PAMR1: variants seen among roughly 807,000 people sequenced by gnomAD.
PAMR1 encodes the protein peptidase domain containing associated with muscle regeneration 1.
Under a neutral mutation model 81.8 loss-of-function variants are expected in PAMR1, and 88 were observed. That is an observed-to-expected ratio of 1.08 (90% CI 0.91 to 1.28). PAMR1 has a LOEUF of 1.28. PAMR1 is among the 50% of genes most tolerant of loss of function. The probability of loss-of-function intolerance (pLI) is 0.00; values close to 1 mark genes in which losing one functional copy is unlikely to be tolerated. For synonymous variants in PAMR1, 336 were observed against 345.3 expected, an observed-to-expected ratio of 0.97 and a Z score of 0.30; for missense variants, 935 against 919.7, an observed-to-expected ratio of 1.02 and a Z score of -0.21.
intron 8 of PAMR1, among the ~76,000 whole-genome samples, chr11:35,438,236 G>C (rs1381605868): frequency 6.6e-6 from 1 of 152,184 alleles, no homozygotes; most frequent in African/African-American, 2.4e-5. Context: ...CTGAGCTTCA[G>C]TTTACCCCTC....
intron 3 of PAMR1, among the ~76,000 whole-genome samples, chr11:35,490,746 T>TG (rs1850607836): frequency 3.3e-5 from 5 of 152,232 alleles, no homozygotes; most frequent in Non-Finnish European, 1.5e-5. Context: ...GCTTTTACTA[T>TG]TGTCAGAGCA....
intron 6 of PAMR1, among the ~76,000 whole-genome samples, chr11:35,447,921 T>C (rs1856331731): frequency 6.6e-6 from 1 of 152,246 alleles, no homozygotes; most frequent in South Asian, 2.1e-4. Flanking sequence ...TGCCTGGATA[T>C]GAAATTCTGG....
intron 6 of PAMR1, among the ~76,000 whole-genome samples, chr11:35,451,491 T>C (rs1856417982): frequency 6.6e-6 from 1 of 152,246 alleles, no homozygotes; most frequent in South Asian, 2.1e-4. Flanking sequence ...TAGTATTTCC[T>C]TCCTCACAAA....
At chr11:35,495,406 T>C (rs1230528478) in intron 1 of PAMR1, among the ~76,000 whole-genome samples, 2 of 152,032 alleles carry the variant, frequency 1.3e-5, no homozygotes, top group Non-Finnish European at 2.9e-5. Context: ...TATATATACC[T>C]TCAGTAAAGA....
At chr11:35,480,078 C>T (rs1446127997) in intron 3 of PAMR1, among the ~76,000 whole-genome samples, 1 of 152,202 alleles carries the variant, frequency 6.6e-6, no homozygotes, top group African/African-American at 2.4e-5. Context: ...TGACGCAGTT[C>T]CACGAGAGCA....
At chr11:35,526,780 C>A (rs546533622), upstream of PAMR1, among the ~76,000 whole-genome samples, 1 of 152,298 alleles carries the variant, frequency 6.6e-6, no homozygotes, top group South Asian at 2.1e-4. Flanking sequence ...TGTCCCCACC[C>A]AAACCTCATC....
At position 35,513,776 on chromosome 11, in the gene PAMR1, G is replaced by A. The variant is rs985301800; in HGVS notation, c.73+11737C>T. Among the ~76,000 whole-genome samples, 9 of 152,310 alleles carry A rather than the reference G, an allele frequency of 5.9e-5. No homozygotes were observed. The South Asian group carries it at 1.4e-3, about 25-fold the overall frequency. On this transcript the variant is annotated intron_variant, in intron 1 of 10. Coordinates refer to ENST00000619888, the MANE Select transcript of PAMR1 (RefSeq NM_001001991.3). ...AACTACCTGGGATGCTTGCTTAAAA[G>A]TCTTATTCCTGGACCACAGTCCAGA...
At chr11:35,506,357 T>C (rs1043543350) in intron 1 of PAMR1, among the ~76,000 whole-genome samples, 22 of 151,886 alleles carry the variant, frequency 1.4e-4, no homozygotes, top group Non-Finnish European at 2.4e-4. Flanking sequence ...TATCTGTGTA[T>C]TTAATTTTAC....
In PAMR1 at chr11:35,434,807, A is replaced by G; in HGVS notation, c.1334-3T>C. ...GATGTTCTCAATTTTCCCGCAGACT[A>G]TGGAGAAAGTACCAGCTTAGTAAGA... On this transcript the variant is annotated splice_region_variant and splice_polypyrimidine_tract_variant and intron_variant, in intron 9 of 10. Coordinates refer to ENST00000619888, the MANE Select transcript of PAMR1 (RefSeq NM_001001991.3). 1.9e-6 allele frequency: 3 copies of G among 1,611,036 alleles called. No individual in the cohort carries two copies. The highest frequency in any genetic ancestry group is 2.2e-5 in the South Asian group (2 of 91,012).
At chr11:35,444,223 C>CAAGAAACAA (rs1856245051) in intron 6 of PAMR1, among the ~76,000 whole-genome samples, 1 of 151,832 alleles carries the variant, frequency 6.6e-6, no homozygotes, top group East Asian at 1.9e-4. Context: ...TGTTTAATTT[C>CAAGAAACAA]CTTGTAGACT....
chr11:35,522,942 T>G (rs1851309673), intron 1 of PAMR1, among the ~76,000 whole-genome samples: 1 of 152,234 alleles, frequency 6.6e-6, no homozygotes, highest in Non-Finnish European at 1.5e-5. Flanking sequence ...GTTTAATCTC[T>G]TCATCCTCTG....
intron 6 of PAMR1, among the ~76,000 whole-genome samples, chr11:35,447,234 G>A (rs937060070): frequency 4.7e-5 from 6 of 126,804 alleles, no homozygotes; most frequent in East Asian, 2.3e-4. Context: ...ATGGAGTCTC[G>A]CTCTGTTACC....
At position 35,432,837 on chromosome 11, in the gene PAMR1, A is replaced by C. The variant is rs151224085; in HGVS notation, c.1682T>G (p.Ile561Ser). 6.2e-7 allele frequency: 1 copy of C among 1,601,854 alleles called. No homozygotes were observed. Among genetic ancestry groups the C allele is most frequent in the East Asian group, 2.2e-5 (1 of 44,858 alleles). The part of the protein sequence containing the change: ...NYDPILLDAD[I>S]AILKLLDKAR... ...CTTGTCTAGGAGCTTCAGGATGGCG[A>C]TGTCAGCATCAAGCAGGATGGGGTC... Residue 561 changes from isoleucine (I) to serine (S), a missense_variant, in exon 11 of 11, where the codon ATC becomes AGC. Ile to Ser is a moderately radical substitution (Grantham distance 142). Transcript: ENST00000619888.
chr11:35,434,992 A>G (rs1433095339), intron 9 of PAMR1, among the ~76,000 whole-genome samples, 188 bp from the exon 10 acceptor site: 2 of 152,164 alleles, frequency 1.3e-5, no homozygotes, highest in African/African-American at 4.8e-5. Flanking sequence ...GGCTGGCTAT[A>G]AAGTCTAGGA....
intron 1 of PAMR1, among the ~76,000 whole-genome samples, chr11:35,517,069 T>C (rs972619431): frequency 1.3e-5 from 2 of 152,130 alleles, no homozygotes; most frequent in African/African-American, 4.8e-5. Context: ...ACATGATACA[T>C]CTAGCTGAGA....
intron 3 of PAMR1, among the ~76,000 whole-genome samples, chr11:35,477,997 C>T (rs1159745204): frequency 6.6e-6 from 1 of 152,190 alleles, no homozygotes; most frequent in African/African-American, 2.4e-5. Flanking sequence ...TCCTGCACAG[C>T]CCCCGTCCCT....
upstream of PAMR1, among the ~76,000 whole-genome samples, chr11:35,526,574 T>G (rs572178526): frequency 6.6e-6 from 1 of 152,364 alleles, no homozygotes; most frequent in South Asian, 2.1e-4. Flanking sequence ...AGCCTCTGTA[T>G]TTTACAATTA....
At chr11:35,522,023 C>T (rs1311551997) in intron 1 of PAMR1, among the ~76,000 whole-genome samples, 1 of 152,006 alleles carries the variant, frequency 6.6e-6, no homozygotes, top group Non-Finnish European at 1.5e-5. Flanking sequence ...CCCAGGTTCA[C>T]ACCATTCTCC....
Position 35,432,789 on chromosome 11 carries a change from T to C in PAMR1, c.1730A>G (p.Gln577Arg). 1.9e-6 allele frequency: 3 copies of C among 1,610,986 alleles called. No individual in the cohort carries two copies. The highest frequency in any genetic ancestry group is 2.5e-6 in the Non-Finnish European group (3 of 1,180,012). Residue 577 changes from glutamine (Q) to arginine (R), a missense_variant, in exon 11 of 11, where the codon CAG becomes CGG. Physicochemically the swap from Gln to Arg is conservative, Grantham distance 43. Coordinates refer to ENST00000619888, the MANE Select transcript of PAMR1 (RefSeq NM_001001991.3). ...LDKARISTRV[Q>R]PICLAASRDL... ...CCGACTGGCAGCGAGGCAGATGGGC[T>C]GGACTCGGGTGCTGATACGGGCCTT...
Sources: gnomAD v4.1 joint callset for allele counts (sites outside exome capture counted in the v4.1 genomes callset) on GRCh38, gnomAD v4.1.1 for gene constraint, MANE v1.5 for transcripts, NCBI Gene and HGNC (gene_info 2026-07-23, HGNC 2026-07-21) for gene names.